Variants in PCDH15 observed in about 807,000 individuals in gnomAD.
PCDH15 encodes the protein protocadherin-15.
Under a neutral mutation model 178.5 loss-of-function variants are expected in PCDH15, and 129 were observed. That is an observed-to-expected ratio of 0.72 (90% CI 0.63 to 0.84). The LOEUF is 0.84. PCDH15 is among the 40% of genes least tolerant of loss of function. The pLI, the probability that PCDH15 is intolerant of heterozygous loss-of-function variation, is 0.00. For missense variants in PCDH15, 2,230 were observed against 2,099.9 expected, an observed-to-expected ratio of 1.06 and a Z score of -1.21; for synonymous variants, 800 against 732.0, an observed-to-expected ratio of 1.09 and a Z score of -1.50.
At chr10:55,498,089 T>C (rs1840576201) in intron 2 of PCDH15, among the ~76,000 whole-genome samples, 3 of 151,890 alleles carry the variant, frequency 2.0e-5, no homozygotes, top group Admixed American at 2.0e-4. Context: ...TATTCAAATG[T>C]AAAATGACTG....
At chr10:55,210,198 T>A (rs1194482783) in intron 1 of PCDH15, among the ~76,000 whole-genome samples, 3 of 151,984 alleles carry the variant, frequency 2.0e-5, no homozygotes, top group Admixed American at 1.3e-4. Flanking sequence ...TTAAAATTTA[T>A]AGTGTTACAG....
intron 2 of PCDH15, among the ~76,000 whole-genome samples, chr10:54,638,745 T>C (rs2093920774): frequency 1.3e-5 from 2 of 152,246 alleles, no homozygotes; most frequent in South Asian, 2.1e-4. Context: ...GCGCATTTAT[T>C]TGCAACACAA....
chr10:55,622,731 ACTT>A (rs532061598), intron 2 of PCDH15, among the ~76,000 whole-genome samples: 2 of 152,302 alleles, frequency 1.3e-5, no homozygotes, highest in African/African-American at 4.8e-5. Flanking sequence ...CAGGAATCAA[ACTT>A]TTAGTTGGCA....
intron 2 of PCDH15, among the ~76,000 whole-genome samples, chr10:55,071,425 A>G (rs1231678295): frequency 6.6e-6 from 1 of 152,162 alleles, no homozygotes; most frequent in Non-Finnish European, 1.5e-5. Context: ...ATGGAAAACA[A>G]AAAAAGGCAG....
chr10:55,326,625 T>A (rs185923646), intron 2 of PCDH15, among the ~76,000 whole-genome samples: 24 of 151,982 alleles, frequency 1.6e-4, no homozygotes, highest in Admixed American at 1.5e-3. Flanking sequence ...TTTTAAAAAA[T>A]TAAGTAGTTA....
At chr10:55,124,959 C>T (rs1837859906) in intron 2 of PCDH15, among the ~76,000 whole-genome samples, 1 of 151,872 alleles carries the variant, frequency 6.6e-6, no homozygotes, top group South Asian at 2.1e-4. Context: ...GACTCTAGGA[C>T]TTTAGGTGAC....
intron 3 of PCDH15, among the ~76,000 whole-genome samples, chr10:54,483,147 A>T (rs966283303): frequency 6.6e-6 from 1 of 151,848 alleles, no homozygotes; most frequent in African/African-American, 2.4e-5. Context: ...AATGAAACAA[A>T]ATAATATGGA....
At chr10:55,297,257 G>A (rs935080499) in intron 1 of PCDH15, among the ~76,000 whole-genome samples, 2 of 152,004 alleles carry the variant, frequency 1.3e-5, no homozygotes, top group Non-Finnish European at 2.9e-5. Context: ...AATTTATATA[G>A]GGTGATCATT....
chr10:54,599,274 A>G (rs149046443), intron 2 of PCDH15, among the ~76,000 whole-genome samples: 1 of 152,156 alleles, frequency 6.6e-6, no homozygotes. Flanking sequence ...GGGCTACAGT[A>G]ACCAAAACAA....
intron 3 of PCDH15, among the ~76,000 whole-genome samples, chr10:54,464,214 T>C (rs1233693208): frequency 6.6e-6 from 1 of 152,120 alleles, no homozygotes; most frequent in Non-Finnish European, 1.5e-5. Context: ...AGTCTCTCCA[T>C]TTATGAGCAT....
intron 1 of PCDH15, among the ~76,000 whole-genome samples, chr10:54,668,440 A>G (rs1377977935): frequency 1.3e-5 from 2 of 152,206 alleles, no homozygotes; most frequent in South Asian, 2.1e-4. Flanking sequence ...TGAGAACTTT[A>G]CAATGAAAGT....
chr10:54,918,379 A>T (rs1837399845), intron 2 of PCDH15, among the ~76,000 whole-genome samples: 1 of 152,206 alleles, frequency 6.6e-6, no homozygotes, highest in Non-Finnish European at 1.5e-5. Context: ...TTTCTTAAAA[A>T]GCACCTTATA....
chr10:53,893,861 A>G (rs985361645), intron 26 of PCDH15, among the ~76,000 whole-genome samples: 3 of 152,134 alleles, frequency 2.0e-5, no homozygotes, highest in Non-Finnish European at 4.4e-5. Flanking sequence ...TGCTTAGATG[A>G]CAGGTGCACC....
intron 2 of PCDH15, among the ~76,000 whole-genome samples, chr10:55,356,367 C>A (rs1845081294): frequency 6.6e-6 from 1 of 151,734 alleles, no homozygotes; most frequent in South Asian, 2.1e-4. Context: ...GTTTACAGTT[C>A]TCTTTGATCC....
intron 20 of PCDH15, among the ~76,000 whole-genome samples, chr10:54,005,273 C>T (rs2092344726): frequency 6.6e-6 from 1 of 151,922 alleles, no homozygotes; most frequent in Admixed American, 6.6e-5. Context: ...TGAGTAATAC[C>T]TCACAAGCAC....
At chr10:54,677,775 G>GTGGCCATTTT (rs1240543975) in intron 1 of PCDH15, among the ~76,000 whole-genome samples, 2 of 152,092 alleles carry the variant, frequency 1.3e-5, no homozygotes, top group Non-Finnish European at 2.9e-5. Flanking sequence ...AGTGTATAGT[G>GTGGCCATTTT]TGGCCAAGGA....
intron 2 of PCDH15, among the ~76,000 whole-genome samples, chr10:55,376,368 T>C (rs1279386851): frequency 6.6e-6 from 1 of 152,110 alleles, no homozygotes; most frequent in Non-Finnish European, 1.5e-5. Context: ...ATTCTTGCCC[T>C]TGGCGTCTCA....
intron 2 of PCDH15, among the ~76,000 whole-genome samples, chr10:54,634,218 C>T (rs2093783845): frequency 6.7e-6 from 1 of 148,216 alleles, no homozygotes. Context: ...TCAGGAGCAC[C>T]CTTGATTCTT....
intron 2 of PCDH15, among the ~76,000 whole-genome samples, chr10:55,370,420 C>T (rs1337841634): frequency 6.6e-6 from 1 of 152,056 alleles, no homozygotes; most frequent in Non-Finnish European, 1.5e-5. Flanking sequence ...ATGCCTTTTT[C>T]TTGTGCATTT....
Sources: allele counts gnomAD v4.1 joint callset (sites outside exome capture counted in the v4.1 genomes callset), GRCh38; gene constraint gnomAD v4.1.1; transcripts MANE v1.5; gene names NCBI Gene and HGNC (gene_info 2026-07-23, HGNC 2026-07-21).